Variants in SESN1 observed in about 807,000 individuals in gnomAD.
The protein encoded by SESN1 is sestrin-1.
A neutral mutation model predicts 59.3 loss-of-function variants in SESN1; 30 were observed. The observed-to-expected ratio is 0.51, with a 90% CI of 0.38 to 0.69. The LOEUF is 0.69. Among genes scored for constraint, SESN1 ranks in the 30% least tolerant of loss-of-function variants. The probability of loss-of-function intolerance (pLI) is 0.00; values close to 1 mark genes in which losing one functional copy is unlikely to be tolerated. For synonymous variants in SESN1, 197 were observed against 219.9 expected (o/e 0.90, Z 0.92); for missense variants, 566 against 673.0 (o/e 0.84, Z 1.76).
chr6:109,027,476 C>CAAAAAAAAAAA (rs57225616), intron 1 of SESN1, among the ~76,000 whole-genome samples: 1 of 27,326 alleles, frequency 3.7e-5, no homozygotes, highest in Non-Finnish European at 7.7e-5. Flanking sequence ...GACTCTGTCT[C>CAAAAAAAAAAA]AAAAAAAAAA....
At chr6:109,026,628 C>T (rs1246123162) in intron 1 of SESN1, among the ~76,000 whole-genome samples, 1 of 152,060 alleles carries the variant, frequency 6.6e-6, no homozygotes, top group African/African-American at 2.4e-5. Flanking sequence ...CCTCAGCCTC[C>T]CGAGTAGCTA....
At chr6:108,993,165 A>C in intron 6 of SESN1, 1 of 351,102 alleles carries the variant, frequency 2.8e-6, no homozygotes, top group Non-Finnish European at 5.1e-6. Context: ...CTCTCCTCCC[A>C]TTCCAATTTA....
At chr6:108,988,237 G>A in intron 9 of SESN1, 1 of 213,132 alleles carries the variant, frequency 4.7e-6, no homozygotes, top group East Asian at 1.0e-4. Flanking sequence ...TTTCTATAAA[G>A]ATGTTTCAAA....
At chr6:109,045,438 C>T (rs914290258) in intron 1 of SESN1, among the ~76,000 whole-genome samples, 6 of 149,936 alleles carry the variant, frequency 4.0e-5, no homozygotes, top group Non-Finnish European at 4.4e-5. Flanking sequence ...AAAATAAAAT[C>T]CAGATTCTTC....
intron 1 of SESN1, among the ~76,000 whole-genome samples, chr6:109,061,680 T>TGTA (rs1199275912): frequency 2.0e-5 from 3 of 152,082 alleles, no homozygotes; most frequent in Non-Finnish European, 2.9e-5. Flanking sequence ...AGCACACACC[T>TGTA]GTAGTCTTAG....
At chr6:109,018,420 G>A (rs566651128) in intron 1 of SESN1, among the ~76,000 whole-genome samples, 6 of 152,280 alleles carry the variant, frequency 3.9e-5, no homozygotes, top group East Asian at 1.9e-4. Flanking sequence ...AAATTAATGC[G>A]TGTCTACATC....
intron 1 of SESN1, among the ~76,000 whole-genome samples, chr6:109,036,355 T>C (rs1389734292): frequency 1.3e-5 from 2 of 152,330 alleles, no homozygotes; most frequent in East Asian, 1.9e-4. Context: ...ATAATTAATA[T>C]GAATTTTAAC....
At chr6:109,038,250 T>G (rs948947907) in intron 1 of SESN1, among the ~76,000 whole-genome samples, 1 of 152,250 alleles carries the variant, frequency 6.6e-6, no homozygotes, top group African/African-American at 2.4e-5. Context: ...CCCAGCACTT[T>G]GAGAGACCAA....
rs1780423545 is a variant in SESN1, at chr6:109,045,915, C to T, written c.280-43572G>A. On this transcript the variant is annotated intron_variant, in intron 1 of 9. Coordinates refer to ENST00000436639, the MANE Select transcript of SESN1 (RefSeq NM_014454.3). The stretch of plus-strand genomic sequence containing the variant: ...AAATGTGAGGCACGATATGGAAGAA[C>T]TCTGATTGAAAATAAGAATTTGATT... 2.6e-5 allele frequency among the ~76,000 whole-genome samples: 4 copies of T among 152,198 alleles called. No homozygotes were observed. The South Asian group carries it at 8.3e-4, about 32-fold the overall frequency.
intron 4 of SESN1, among the ~76,000 whole-genome samples, chr6:108,999,360 A>C (rs548872025): frequency 6.6e-6 from 1 of 152,286 alleles, no homozygotes; most frequent in East Asian, 1.9e-4. Flanking sequence ...ATATATTCAA[A>C]TCTTGTATCT....
intron 1 of SESN1, among the ~76,000 whole-genome samples, chr6:109,069,916 G>A (rs1780901894): frequency 6.6e-6 from 1 of 151,964 alleles, no homozygotes; most frequent in Non-Finnish European, 1.5e-5. Flanking sequence ...ACATAGCAAT[G>A]AATTACTTAA....
At chr6:109,017,824 C>T (rs1238308707) in intron 1 of SESN1, among the ~76,000 whole-genome samples, 1 of 152,142 alleles carries the variant, frequency 6.6e-6, no homozygotes, top group African/African-American at 2.4e-5. Flanking sequence ...GGCAATTGAA[C>T]TTAATGATCT....
chr6:108,994,673 A>G, intron 5 of SESN1, 64 bp from the exon 6 acceptor site: 1 of 1,171,752 alleles, frequency 8.5e-7, no homozygotes, highest in East Asian at 2.8e-5. Context: ...ATTATCTTTT[A>G]AGTCTGTCTC....
intron 1 of SESN1, among the ~76,000 whole-genome samples, chr6:109,090,264 G>A (rs1781289886): frequency 6.6e-6 from 1 of 152,142 alleles, no homozygotes. Flanking sequence ...AGTTAATAAA[G>A]TACAGTCCCA....
chr6:109,009,315 C>T, intron 1 of SESN1: 1 of 1,444,180 alleles, frequency 6.9e-7, no homozygotes, highest in Non-Finnish European at 9.1e-7. Flanking sequence ...GGGTGCCCAC[C>T]CGCCCAGGTA....
rs564820130 is a variant in SESN1, at chr6:109,087,324, T to C, written c.279+6471A>G. Among the ~76,000 whole-genome samples, 4 of 150,836 alleles carry C rather than the reference T, an allele frequency of 2.7e-5. No individual in the cohort carries two copies. The East Asian group carries it at 5.8e-4, about 22-fold the overall frequency. On this transcript the variant is annotated intron_variant, in intron 1 of 9. Coordinates refer to ENST00000436639, the MANE Select transcript of SESN1 (RefSeq NM_014454.3). ...CTGTAAGTCAGAAAGTGAAAAAAAA[T>C]TGGCTGTCTTCAAACAATTTAGAAA...
intron 1 of SESN1, among the ~76,000 whole-genome samples, chr6:109,063,136 C>G (rs985120359): frequency 1.3e-5 from 2 of 152,080 alleles, no homozygotes; most frequent in Admixed American, 6.5e-5. Flanking sequence ...CAGGAGTCAC[C>G]CTGTAGAGGT....
At chr6:109,042,014 C>T (rs12215381) in intron 1 of SESN1, among the ~76,000 whole-genome samples, 16,569 of 151,734 alleles carry the variant, frequency 0.11, 1,022 homozygotes, top group Middle Eastern at 0.19. Flanking sequence ...CTGATCATAA[C>T]GAAATCACAC....
intron 1 of SESN1, among the ~76,000 whole-genome samples, chr6:109,042,593 T>C (rs1780359934): frequency 6.6e-6 from 1 of 150,978 alleles, no homozygotes; most frequent in Non-Finnish European, 1.5e-5. Flanking sequence ...GAACATTCTA[T>C]ACTCATACAT....
Sources: allele counts gnomAD v4.1 joint callset (sites outside exome capture counted in the v4.1 genomes callset), GRCh38; gene constraint gnomAD v4.1.1; transcripts MANE v1.5; gene names NCBI Gene and HGNC (gene_info 2026-07-23, HGNC 2026-07-21).